Variants in LRRC1 observed in about 807,000 individuals in gnomAD.
The protein encoded by LRRC1 is leucine-rich repeat-containing protein 1.
LRRC1 carries 28 observed loss-of-function variants against 69.9 expected under a neutral mutation model. The observed-to-expected ratio is 0.40, with a 90% CI of 0.30 to 0.55. LRRC1 has a LOEUF of 0.55. Ranked by LOEUF, LRRC1 falls within the 20% of genes least tolerant of loss-of-function variation. LRRC1 has a pLI of 0.47. For synonymous variants in LRRC1, 236 were observed against 240.2 expected, an observed-to-expected ratio of 0.98 and a Z score of 0.16; for missense variants, 498 against 609.0, an observed-to-expected ratio of 0.82 and a Z score of 1.92.
chr6:53,902,432 A>T (rs1183024591), intron 8 of LRRC1, among the ~76,000 whole-genome samples, 197 bp from the exon 9 acceptor site: 1 of 152,084 alleles, frequency 6.6e-6, no homozygotes, highest in Non-Finnish European at 1.5e-5. Context: ...ACCGTTTTTG[A>T]TGTTCTAAAC....
At chr6:53,870,407 A>G (rs1766843622) in intron 2 of LRRC1, among the ~76,000 whole-genome samples, 1 of 152,154 alleles carries the variant, frequency 6.6e-6, no homozygotes, top group South Asian at 2.1e-4. Context: ...TTATATTTTA[A>G]TGTGTGGCTT....
At chr6:53,800,628 A>G (rs1341192416) in intron 1 of LRRC1, among the ~76,000 whole-genome samples, 1 of 151,566 alleles carries the variant, frequency 6.6e-6, no homozygotes, top group African/African-American at 2.4e-5. Context: ...TACATTTTTA[A>G]TATTCTTTTC....
At chr6:53,813,268 CTG>C (rs1764849261) in intron 1 of LRRC1, among the ~76,000 whole-genome samples, 1 of 152,084 alleles carries the variant, frequency 6.6e-6, no homozygotes, top group African/African-American at 2.4e-5. Context: ...CAGGAGTGGA[CTG>C]TGTGGATTGG....
chr6:53,884,839 T>C (rs1767421265), intron 4 of LRRC1, among the ~76,000 whole-genome samples: 1 of 152,212 alleles, frequency 6.6e-6, no homozygotes, highest in African/African-American at 2.4e-5. Context: ...TAATGTTCAT[T>C]ATTATATATT....
chr6:53,907,877 C>T (rs1247721677), intron 10 of LRRC1, among the ~76,000 whole-genome samples: 2 of 152,056 alleles, frequency 1.3e-5, no homozygotes, highest in Non-Finnish European at 2.9e-5. Context: ...TGAAAGGCAT[C>T]ATTTGGCAGC....
intron 3 of LRRC1, 111 bp downstream of exon 3, chr6:53,879,182 G>A (rs1767178836): frequency 1.5e-6 from 1 of 671,172 alleles, no homozygotes; most frequent in African/African-American, 1.8e-5. Flanking sequence ...ATGGATCACT[G>A]TCTTTATCAA....
intron 2 of LRRC1, among the ~76,000 whole-genome samples, chr6:53,861,982 A>G (rs3935664): frequency 0.36 from 55,248 of 152,020 alleles, 10,683 homozygotes; most frequent in East Asian, 0.68. Flanking sequence ...GAGCCTGACC[A>G]TAGAGGCTTA....
At chr6:53,914,014 A>G (rs1198680054) in intron 11 of LRRC1, 45 bp downstream of exon 11, 8 of 1,312,046 alleles carry the variant, frequency 6.1e-6, no homozygotes, top group Non-Finnish European at 8.8e-6. Context: ...ACAAATATAC[A>G]TACATCCCAA....
intron 1 of LRRC1, among the ~76,000 whole-genome samples, chr6:53,817,501 C>G (rs1764985050): frequency 6.6e-6 from 1 of 152,078 alleles, no homozygotes; most frequent in African/African-American, 2.4e-5. Context: ...GTTATTAGCT[C>G]TATTCACCAT....
chr6:53,812,704 A>AT (rs1764831686), intron 1 of LRRC1, among the ~76,000 whole-genome samples: 8 of 151,622 alleles, frequency 5.3e-5, no homozygotes, highest in African/African-American at 1.9e-4. Flanking sequence ...AAAAAAAAAA[A>AT]AAAAAAAAAA....
intron 10 of LRRC1, among the ~76,000 whole-genome samples, chr6:53,908,240 C>T (rs1172935446): frequency 3.3e-5 from 5 of 152,212 alleles, no homozygotes; most frequent in Non-Finnish European, 7.4e-5. Flanking sequence ...GTTTAGGGTC[C>T]TGTTTTCTTT....
Position 53,922,955 on chromosome 6 carries a change from A to C in LRRC1, c.*162A>C. The C allele has an allele frequency of 1.7e-6, 1 of 604,052 alleles. No individual in the cohort carries two copies. The highest frequency in any genetic ancestry group is 2.8e-5 in the Admixed American group (1 of 36,292). The allele number at this position is 604,052 out of a possible 1,614,324, so 37.4% of individuals were successfully genotyped here. On this transcript the variant is annotated 3_prime_UTR_variant, in exon 14 of 14. Transcript: ENST00000370888. ...CTGTCTCCCAGGAAGTGCCTTACTC[A>C]TCCCGCAACCAGTCAGCGCACCAGT...
intron 2 of LRRC1, among the ~76,000 whole-genome samples, chr6:53,874,157 T>G (rs1209432181): frequency 6.6e-6 from 1 of 152,198 alleles, no homozygotes; most frequent in Non-Finnish European, 1.5e-5. Flanking sequence ...GAAATAGACC[T>G]GTAGTGGTGG....
At chr6:53,832,856 A>G (rs1765468985) in intron 1 of LRRC1, among the ~76,000 whole-genome samples, 1 of 152,012 alleles carries the variant, frequency 6.6e-6, no homozygotes, top group Non-Finnish European at 1.5e-5. Flanking sequence ...ACATTTTTTA[A>G]TAAAATAGGA....
intron 2 of LRRC1, among the ~76,000 whole-genome samples, chr6:53,864,670 C>T (rs1246113911): frequency 6.6e-6 from 1 of 152,118 alleles, no homozygotes; most frequent in African/African-American, 2.4e-5. Flanking sequence ...TGCAAAGTGC[C>T]AGTCATGATA....
intron 1 of LRRC1, among the ~76,000 whole-genome samples, chr6:53,821,544 G>T (rs1765115757): frequency 6.6e-6 from 1 of 152,150 alleles, no homozygotes; most frequent in Admixed American, 6.5e-5. Flanking sequence ...GTCATGGAGG[G>T]CCTCCTCTGC....
intron 10 of LRRC1, among the ~76,000 whole-genome samples, chr6:53,908,759 A>C (rs1768317941): frequency 6.6e-6 from 1 of 152,166 alleles, no homozygotes; most frequent in African/African-American, 2.4e-5. Context: ...ACTCTATTAG[A>C]AGTTCTTCTA....
intron 1 of LRRC1, among the ~76,000 whole-genome samples, chr6:53,824,716 C>G (rs1217769554): frequency 1.3e-5 from 2 of 152,176 alleles, no homozygotes; most frequent in Non-Finnish European, 2.9e-5. Context: ...AAATGCATAT[C>G]AGGTGCTGTT....
intron 2 of LRRC1, among the ~76,000 whole-genome samples, chr6:53,878,473 G>A (rs1402870152): frequency 6.6e-6 from 1 of 152,216 alleles, no homozygotes; most frequent in Non-Finnish European, 1.5e-5. Context: ...CAGATCATCA[G>A]GCATTAGATT....
Sources: gnomAD v4.1 joint callset for allele counts (sites outside exome capture counted in the v4.1 genomes callset) on GRCh38, gnomAD v4.1.1 for gene constraint, MANE v1.5 for transcripts, NCBI Gene and HGNC (gene_info 2026-07-23, HGNC 2026-07-21) for gene names.